Variants in HDHD2 observed in about 807,000 individuals in gnomAD.
HDHD2 encodes the protein haloacid dehalogenase-like hydrolase domain-containing protein 2.
A neutral mutation model predicts 24.8 loss-of-function variants in HDHD2; 26 were observed. The ratio of observed to expected loss-of-function variants is 1.05; its 90% CI spans 0.77 to 1.45. HDHD2 has a LOEUF of 1.45. Among genes scored for constraint, HDHD2 ranks in the 40% most tolerant of loss-of-function variants. HDHD2 has a pLI of 0.00. For synonymous variants in HDHD2, 128 were observed against 114.9 expected (o/e 1.11, Z -0.73); for missense variants, 299 against 313.4 (o/e 0.95, Z 0.35).
chr18:47,148,237 C>T (rs560431362), intron 1 of HDHD2, among the ~76,000 whole-genome samples: 14 of 152,224 alleles, frequency 9.2e-5, no homozygotes, highest in East Asian at 5.8e-4. Context: ...GTGATCCATC[C>T]GCCTTGGGCT....
Position 47,133,172 on chromosome 18 carries a change from T to A in HDHD2, c.310+1324A>T, listed in dbSNP as rs554585238. Among the ~76,000 whole-genome samples, 581 of 139,752 alleles carry A rather than the reference T, an allele frequency of 4.2e-3. 3 individuals are homozygous for A. Among genetic ancestry groups the A allele is most frequent in the African/African-American group, 0.014 (538 of 37,182 alleles). The allele number at this position is 139,752 out of a possible 152,430, so 91.7% of individuals were successfully genotyped here. A position where few individuals can be genotyped will look rare whatever the true frequency, so the allele number is the denominator to read the frequency against. ...CCCCCCACCCCACAACAGGCCCCAG[T>A]GTGTGATGTTCCCCTTCCTGTGTCC... On this transcript the variant is annotated intron_variant, in intron 3 of 6. Coordinates refer to ENST00000300605, the MANE Select transcript of HDHD2 (RefSeq NM_032124.5).
At position 47,134,603 on chromosome 18, in the gene HDHD2, G is replaced by C; in HGVS notation, c.203C>G (p.Ser68Cys). 1 of 1,613,946 alleles carries C rather than the reference G, an allele frequency of 6.2e-7. No homozygotes were observed. Among genetic ancestry groups the C allele is most frequent in the Non-Finnish European group, 8.5e-7 (1 of 1,179,824 alleles). Residue 68 changes from serine to cysteine, a missense_variant, in exon 3 of 7, where the codon TCT (serine) becomes TGT (cysteine). Ser to Cys is a moderately radical substitution (Grantham distance 112, BLOSUM62 -1). Transcript: ENST00000300605. ...ERLRKLEFDISEDEIFTSLTA... is the reference protein window; with the variant it reads ...ERLRKLEFDICEDEIFTSLTA... ...CAGAGATGTGAATATTTCATCTTCA[G>C]AGATATCAAATTCCAATTTTCTCAA...
chr18:47,111,523 T>C, intron 6 of HDHD2: 5 of 985,382 alleles, frequency 5.1e-6, no homozygotes, highest in Non-Finnish European at 6.0e-6. Context: ...CTGACGAGTG[T>C]GGCTACTTTT....
Position 47,136,344 on chromosome 18 carries a change from A to G in HDHD2, c.96T>C (p.Leu32=). The G allele has an allele frequency of 2.5e-6, 4 of 1,613,760 alleles. No homozygotes were observed. The highest frequency in any genetic ancestry group is 3.4e-6 in the Non-Finnish European group (4 of 1,179,986). ...DAAVPGAQEA[L]KRLRGASVII... ...GAACCTGGAGGATAGCTTGCCTTTT[A>G]AGAGCTTCCTGTGCGCCTGGCACAG... Residue 32 remains leucine (L), a synonymous_variant, in exon 2 of 7, where the codon CTT becomes CTC. Coordinates refer to ENST00000300605, the MANE Select transcript of HDHD2 (RefSeq NM_032124.5).
chr18:47,126,230 T>C (rs1202718227), intron 4 of HDHD2, among the ~76,000 whole-genome samples: 2 of 152,344 alleles, frequency 1.3e-5, no homozygotes, highest in East Asian at 3.9e-4. Context: ...GCCCTGCTGC[T>C]ACACTGTTCT....
chr18:47,111,343 G>A (rs1318026979), intron 6 of HDHD2: 2 of 971,766 alleles, frequency 2.1e-6, no homozygotes, highest in African/African-American at 3.6e-5. Context: ...TTGAAGCTCA[G>A]TGTAAATCCT....
intron 4 of HDHD2, among the ~76,000 whole-genome samples, chr18:47,128,730 T>A (rs1375205811): frequency 6.6e-6 from 1 of 152,222 alleles, no homozygotes; most frequent in Admixed American, 6.5e-5. Context: ...GTGGTTTCCA[T>A]TAACCAAGAA....
In HDHD2 at chr18:47,130,338, G is replaced by GAAA; in HGVS notation, c.311-13_311-11dup. On this transcript the variant is annotated splice_polypyrimidine_tract_variant and intron_variant, in intron 3 of 6. Transcript: ENST00000300605. The stretch of plus-strand genomic sequence containing the variant: ...TCACTTGTTTGTATTCCTGGGAACG[G>GAAA]AAAAAAAAAATGATTGTTGCAAATG... 2 of 1,412,936 alleles carry GAAA rather than the reference G, an allele frequency of 1.4e-6. No homozygotes were observed. Among genetic ancestry groups the GAAA allele is most frequent in the Non-Finnish European group, 1.9e-6 (2 of 1,045,564 alleles). The allele number at this position is 1,412,936 out of a possible 1,614,324, so 87.5% of individuals were successfully genotyped here.
chr18:47,125,496 T>C (rs2063649968), intron 4 of HDHD2, among the ~76,000 whole-genome samples: 1 of 152,180 alleles, frequency 6.6e-6, no homozygotes, highest in South Asian at 2.1e-4. Flanking sequence ...CCATGTCCAT[T>C]AACAGCAGAA....
intron 4 of HDHD2, among the ~76,000 whole-genome samples, chr18:47,116,707 C>T (rs972907539): frequency 7.9e-5 from 12 of 152,320 alleles, no homozygotes; most frequent in African/African-American, 2.2e-4. Flanking sequence ...GAGTTACTAA[C>T]GGGTGACTTA....
intron 3 of HDHD2, among the ~76,000 whole-genome samples, chr18:47,132,450 T>C (rs999796056): frequency 2.0e-5 from 3 of 152,222 alleles, no homozygotes; most frequent in African/African-American, 4.8e-5. Flanking sequence ...ATTTTAGAGA[T>C]AGATTCCTAC....
intron 5 of HDHD2, 53 bp downstream of exon 5, chr18:47,115,079 C>T: frequency 7.4e-7 from 1 of 1,354,446 alleles, no homozygotes. Flanking sequence ...TCTAAGCTGG[C>T]TTTCCCAGCA....
In HDHD2 at chr18:47,118,416, G is replaced by A. The variant is rs543544736; in HGVS notation, c.396-3068C>T. Among the ~76,000 whole-genome samples the A allele has an allele frequency of 1.4e-4, 21 of 152,248 alleles. No homozygotes were observed. In the South Asian group the frequency reaches 2.3e-3, roughly 17 times the overall value. Reference sequence around the variant, plus strand: ...ACACATACACCATGGAATACTATGCGGCAATAAAAAGGAATTAGGTCATGC... The same window carrying A: ...ACACATACACCATGGAATACTATGCAGCAATAAAAAGGAATTAGGTCATGC... On this transcript the variant is annotated intron_variant, in intron 4 of 6. Transcript: ENST00000300605.
At position 47,131,013 on chromosome 18, in the gene HDHD2, G is replaced by A. The variant is rs539030605; in HGVS notation, c.311-685C>T. 3.9e-5 allele frequency among the ~76,000 whole-genome samples: 6 copies of A among 152,166 alleles called. No individual in the cohort carries two copies. The South Asian group carries it at 8.3e-4, about 21-fold the overall frequency. On this transcript the variant is annotated intron_variant, in intron 3 of 6. Transcript: ENST00000300605. ...ATTTTTGAGACGGAGTTTTGCTCTTGTTGCCCAGGCTGGAGTGTAATGGTG... is the reference window on the plus strand; with the variant it reads ...ATTTTTGAGACGGAGTTTTGCTCTTATTGCCCAGGCTGGAGTGTAATGGTG...
chr18:47,115,136 C>G lies in HDHD2; in HGVS notation c.608G>C (p.Gly203Ala). The part of the protein sequence containing the change: ...GCEPEEAVMI[G>A]DDCRDDVGGA... ...CTCCTGGGTTCTTCTACTTACATCTCCTATCATGACAGCCTCCTCAGGTTC... is the reference window on the plus strand; with the variant it reads ...CTCCTGGGTTCTTCTACTTACATCTGCTATCATGACAGCCTCCTCAGGTTC... The change falls in exon 5 of 7, where the codon GGA (glycine) becomes GCA (alanine). Residue 203 changes from glycine (G) to alanine (A), a missense_variant. Transcript: ENST00000300605. 1.2e-6 allele frequency: 2 copies of G among 1,612,146 alleles called. No homozygotes were observed. Among genetic ancestry groups the G allele is most frequent in the Non-Finnish European group, 1.7e-6 (2 of 1,178,830 alleles).
intron 1 of HDHD2, among the ~76,000 whole-genome samples, chr18:47,145,176 ATTGC>A (rs964563428): frequency 1.2e-4 from 19 of 152,228 alleles, no homozygotes; most frequent in African/African-American, 4.6e-4. Flanking sequence ...GAAAAGACAA[ATTGC>A]TTTCAAAGGA....
intron 3 of HDHD2, among the ~76,000 whole-genome samples, chr18:47,133,077 T>C (rs1337625542): frequency 1.3e-5 from 2 of 152,156 alleles, no homozygotes; most frequent in African/African-American, 2.4e-5. Flanking sequence ...ACATGTGCCA[T>C]GTTGGTGTGC....
At chr18:47,110,189 G>A (rs552363655) in intron 6 of HDHD2, 2 of 985,388 alleles carry the variant, frequency 2.0e-6, no homozygotes, top group Non-Finnish European at 2.4e-6. Context: ...CAAACACAAA[G>A]CCTGAAAAAC....
At chr18:47,137,535 G>A (rs1175503924) in intron 1 of HDHD2, among the ~76,000 whole-genome samples, 1 of 152,104 alleles carries the variant, frequency 6.6e-6, no homozygotes, top group African/African-American at 2.4e-5. Context: ...GACATCAAGT[G>A]GAGATGGGAT....
Sources: gnomAD v4.1 joint callset for allele counts (sites outside exome capture counted in the v4.1 genomes callset) on GRCh38, gnomAD v4.1.1 for gene constraint, MANE v1.5 for transcripts, NCBI Gene and HGNC (gene_info 2026-07-23, HGNC 2026-07-21) for gene names.